Variants in AANAT observed in about 807,000 individuals in gnomAD.
The protein encoded by AANAT is aralkylamine N-acetyltransferase.
Under a neutral mutation model 15.6 loss-of-function variants are expected in AANAT, and 11 were observed. That is an observed-to-expected ratio of 0.71 (90% confidence interval 0.44 to 1.17). The LOEUF is 1.17. AANAT is among the 50% of genes most tolerant of loss of function. The probability of loss-of-function intolerance (pLI) is 0.00; values close to 1 mark genes in which losing one functional copy is unlikely to be tolerated. For missense variants in AANAT, 286 were observed against 296.3 expected (o/e 0.97, Z 0.26); for synonymous variants, 139 against 131.5 (o/e 1.06, Z -0.39).
chr17:76,469,101 A>G lies in AANAT; in HGVS notation c.164-72A>G. 6.3e-7 allele frequency: 1 copy of G among 1,591,654 alleles called. No homozygotes were observed. Among genetic ancestry groups the G allele is most frequent in the South Asian group, 1.1e-5 (1 of 88,312 alleles). On this transcript the variant is annotated intron_variant, in intron 2 of 3. Transcript: ENST00000392492. The surrounding 1 kb of genome is among the most constrained non-coding windows in gnomAD (Gnocchi z 5.2). Reference sequence around the variant, plus strand: ...TGGGGAACGGGGCATCTGAGTGGACACTCGGGGTGCAGCAGACAGTGGACG... The same window carrying G: ...TGGGGAACGGGGCATCTGAGTGGACGCTCGGGGTGCAGCAGACAGTGGACG...
At chr17:76,465,015 T>C (rs558669234), upstream of AANAT, among the ~76,000 whole-genome samples, 1 of 151,270 alleles carries the variant, frequency 6.6e-6, no homozygotes, top group African/African-American at 2.4e-5. Context: ...CAGGCTGGTC[T>C]CGAACTCTTG....
rs1314475108 is a variant in AANAT at position 76,469,613 on chromosome 17, G to C, written c.319-52G>C. 2.8e-6 allele frequency: 4 copies of C among 1,427,862 alleles called. No homozygotes were observed. The South Asian group carries it at 4.5e-5, about 16-fold the overall frequency. The allele number at this position is 1,427,862 out of a possible 1,614,324, so 88.4% of individuals were successfully genotyped here. ...CCTGCCTGGGTTGGTGGTTGGGGGG[G>C]AGCACGTGTCAGCAGAAGTGACCTG... On this transcript the variant is annotated intron_variant, in intron 3 of 3. Transcript: ENST00000392492. The surrounding 1 kb of genome is among the most constrained non-coding windows in gnomAD (Gnocchi z 5.2).
At chr17:76,460,188 G>A (rs969220833) in intron 2 of AANAT, among the ~76,000 whole-genome samples, 2 of 118,040 alleles carry the variant, frequency 1.7e-5, no homozygotes, top group African/African-American at 6.9e-5. Flanking sequence ...TCTCTCTGTT[G>A]CTCAGGCTGG....
intron 1 of AANAT, among the ~76,000 whole-genome samples, chr17:76,458,130 A>C (rs4789301): frequency 0.87 from 132,930 of 152,240 alleles, 58,231 homozygotes; most frequent in East Asian, 1. Flanking sequence ...TTTTCCAACA[A>C]CCAAAAGTTG....
chr17:76,466,235 G>A, upstream of AANAT: 1 of 1,533,656 alleles, frequency 6.5e-7, no homozygotes, highest in Non-Finnish European at 8.7e-7. Context: ...GGTTGAAGGT[G>A]GGGATGCCCA....
chr17:76,464,023 C>T (rs756498188), upstream of AANAT, among the ~76,000 whole-genome samples: 2 of 152,052 alleles, frequency 1.3e-5, no homozygotes, highest in African/African-American at 2.4e-5. Flanking sequence ...CCTGGACAAC[C>T]CCTCTCCAAA....
At chr17:76,453,888 T>C (rs1358781453) in intron 1 of AANAT, 1 of 152,166 alleles carries the variant, frequency 6.6e-6, no homozygotes, top group East Asian at 1.9e-4. Context: ...TATAGTAAGG[T>C]AGCTAAGAGT....
intron 1 of AANAT, among the ~76,000 whole-genome samples, chr17:76,458,718 A>G (rs559482017): frequency 1.3e-5 from 2 of 152,258 alleles, no homozygotes; most frequent in South Asian, 2.1e-4. Context: ...GGACCCACAA[A>G]GTATGCTCAG....
upstream of AANAT, chr17:76,466,176 G>A: frequency 6.5e-7 from 1 of 1,537,062 alleles, no homozygotes; most frequent in Middle Eastern, 1.7e-4. Flanking sequence ...GGGTGCCATG[G>A]AGCCACAGTC....
rs201893744 is a variant in AANAT, at chr17:76,469,128, G to A, written c.164-45G>A. On this transcript the variant is annotated intron_variant, in intron 2 of 3. Coordinates refer to ENST00000392492, the MANE Select transcript of AANAT (RefSeq NM_001088.3). This position sits in a 1 kb window ranked among gnomAD's most constrained non-coding sequence, Gnocchi z 5.2. Reference sequence around the variant, plus strand: ...TCGGGGTGCAGCAGACAGTGGACGCGAGGCACAGCGACTACCAGTCACCCA... The same window carrying A: ...TCGGGGTGCAGCAGACAGTGGACGCAAGGCACAGCGACTACCAGTCACCCA... 6.5e-4 allele frequency: 1,049 copies of A among 1,610,172 alleles called. 1 individual carries two copies. Among genetic ancestry groups the A allele is most frequent in the Non-Finnish European group, 8.0e-4 (938 of 1,177,644 alleles).
At chr17:76,454,096 ATTG>A (rs772354372) in intron 1 of AANAT, among the ~76,000 whole-genome samples, 1 of 152,220 alleles carries the variant, frequency 6.6e-6, no homozygotes, top group Non-Finnish European at 1.5e-5. Flanking sequence ...AAGCTTAACC[ATTG>A]TTGTACTATT....
intron 2 of AANAT, among the ~76,000 whole-genome samples, chr17:76,459,649 G>C (rs963882616): frequency 6.6e-6 from 1 of 152,202 alleles, no homozygotes; most frequent in African/African-American, 2.4e-5. Flanking sequence ...CAGGGACCTG[G>C]GTTTGAAGCT....
chr17:76,469,884 G>A lies in AANAT; in HGVS notation c.538G>A (p.Ala180Thr), dbSNP rs759720036. ...RFSFHAVGPCAITVGSLTFME... is the reference protein window; with the variant it reads ...RFSFHAVGPCTITVGSLTFME... ...CAGCTTCCACGCCGTGGGCCCCTGC[G>A]CCATCACCGTGGGCTCCCTCACCTT... Residue 180 changes from alanine to threonine, a missense_variant, in exon 4 of 4, where the codon GCC becomes ACC. Coordinates refer to ENST00000392492, the MANE Select transcript of AANAT (RefSeq NM_001088.3). This position sits in a 1 kb window ranked among gnomAD's most constrained non-coding sequence, Gnocchi z 5.2. The A allele has an allele frequency of 1.5e-5, 24 of 1,582,506 alleles. 1 individual carries two copies. Among genetic ancestry groups the A allele is most frequent in the Admixed American group, 1.1e-4 (6 of 55,522 alleles).
chr17:76,463,763 T>C (rs897622631), upstream of AANAT, among the ~76,000 whole-genome samples: 1 of 152,208 alleles, frequency 6.6e-6, no homozygotes, highest in Non-Finnish European at 1.5e-5. Flanking sequence ...CCTGTGTTCC[T>C]GTTAATAACT....
upstream of AANAT, among the ~76,000 whole-genome samples, chr17:76,467,049 C>A (rs950131681): frequency 1.3e-5 from 2 of 151,980 alleles, no homozygotes; most frequent in African/African-American, 4.8e-5. Flanking sequence ...AGGGGGTAGT[C>A]AGAGCCAACA....
chr17:76,458,183 C>A lies in AANAT; in HGVS notation c.-575-1064C>A, dbSNP rs368329410. On this transcript the variant is annotated intron_variant, in intron 1 of 6. Transcript: ENST00000250615. ...CTGCCCTCTTTGGCTGCTCCAAATC[C>A]TTTCAAGTGCCCCCAGTTTCAACTG... Among the ~76,000 whole-genome samples, 11 of 152,282 alleles carry A rather than the reference C, an allele frequency of 7.2e-5. No individual in the cohort carries two copies. The East Asian group carries it at 2.1e-3, about 29-fold the overall frequency.
chr17:76,459,497 T>C (rs11077821), intron 2 of AANAT: 123,875 of 152,244 alleles, frequency 0.81, 51,359 homozygotes, highest in East Asian at 1. Flanking sequence ...TCTTAAGCTC[T>C]ACATGCAATC....
At chr17:76,465,364 GACA>G (rs2073427783), upstream of AANAT, among the ~76,000 whole-genome samples, 1 of 135,734 alleles carries the variant, frequency 7.4e-6, no homozygotes, top group Non-Finnish European at 1.6e-5. Context: ...TTTTTTTTGA[GACA>G]ACATCTTGCT....
chr17:76,456,094 G>A (rs2073340543), intron 1 of AANAT, among the ~76,000 whole-genome samples: 1 of 152,194 alleles, frequency 6.6e-6, no homozygotes, highest in Admixed American at 6.5e-5. Context: ...CACTTTGGGA[G>A]GCTGAGGCAG....
Sources: allele counts gnomAD v4.1 joint callset (sites outside exome capture counted in the v4.1 genomes callset), GRCh38; gene constraint gnomAD v4.1.1; non-coding constraint Gnocchi (gnomAD v3.1); transcripts MANE v1.5; gene names NCBI Gene and HGNC (gene_info 2026-07-23, HGNC 2026-07-21).